The following HACD1 variants were observed in gnomAD, a reference collection of about 807,000 sequenced individuals.
HACD1 encodes the protein very-long-chain (3R)-3-hydroxyacyl-CoA dehydratase 1.
HACD1 carries 41 observed loss-of-function variants against 32.0 expected under a neutral mutation model. The observed-to-expected ratio is 1.28, with a 90% CI of 1.00 to 1.66. HACD1 has a LOEUF of 1.66. Among genes scored for constraint, HACD1 ranks in the 40% most tolerant of loss-of-function variants. The probability of loss-of-function intolerance (pLI) is 0.00; values close to 1 mark genes in which losing one functional copy is unlikely to be tolerated. For missense variants in HACD1, 396 were observed against 380.1 expected (o/e 1.04, Z -0.35); for synonymous variants, 142 against 139.0 (o/e 1.02, Z -0.15).
intron 5 of HACD1, among the ~76,000 whole-genome samples, chr10:17,595,264 C>T (rs142494630): frequency 2.0e-3 from 302 of 152,180 alleles, no homozygotes; most frequent in African/African-American, 7.0e-3. Context: ...TCAAACACTG[C>T]GTTTAAAAAG....
At position 17,617,180 on chromosome 10, in the gene HACD1, C is replaced by G; in HGVS notation, c.160G>C (p.Glu54Gln). ...DEDGTNGGAS[E>Q]AGEDREAPGE... ...GGAGCCTCCCGGTCCTCGCCGGCCTCCGAGGCGCCGCCGTTGGTGCCGTCC... is the reference window on the plus strand; with the variant it reads ...GGAGCCTCCCGGTCCTCGCCGGCCTGCGAGGCGCCGCCGTTGGTGCCGTCC... The change falls in exon 1 of 7, where the codon GAG (glutamate) becomes CAG (glutamine). Residue 54 changes from glutamate (E) to glutamine (Q), a missense_variant. Coordinates refer to ENST00000361271, the MANE Select transcript of HACD1 (RefSeq NM_014241.4). 1.3e-6 allele frequency: 2 copies of G among 1,503,840 alleles called. No homozygotes were observed. Among genetic ancestry groups the G allele is most frequent in the Admixed American group, 4.2e-5 (2 of 47,518 alleles). The allele number at this position is 1,503,840 out of a possible 1,614,324, so 93.2% of individuals were successfully genotyped here.
chr10:17,614,767 T>C (rs1021026373), intron 1 of HACD1, among the ~76,000 whole-genome samples: 40 of 149,542 alleles, frequency 2.7e-4, no homozygotes, highest in African/African-American at 9.6e-4. Flanking sequence ...TTATTTTATT[T>C]TTTGAGACGG....
chr10:17,597,222 A>G (rs1834005841), intron 5 of HACD1, among the ~76,000 whole-genome samples: 1 of 152,186 alleles, frequency 6.6e-6, no homozygotes, highest in African/African-American at 2.4e-5. Context: ...ATCTCAGATC[A>G]CTGCAACCTC....
At position 17,590,448 on chromosome 10, in the gene HACD1, T is replaced by C. The variant is rs1554815479; in HGVS notation, c.785-2A>G. 3.2e-6 allele frequency: 5 copies of C among 1,574,558 alleles called. No homozygotes were observed. Among genetic ancestry groups the C allele is most frequent in the Non-Finnish European group, 4.3e-6 (5 of 1,156,036 alleles). On this transcript the variant is annotated splice_acceptor_variant, in intron 6 of 6. Transcript: ENST00000361271. LOFTEE classifies it high-confidence loss of function. Reference sequence around the variant, plus strand: ...TATGAAAATAGAGTTGTGGAAACACTTCATTGAAAAAGAAAACAAAGAAAA... The same window carrying C: ...TATGAAAATAGAGTTGTGGAAACACCTCATTGAAAAAGAAAACAAAGAAAA...
chr10:17,602,459 T>C (rs1834084438), intron 4 of HACD1, among the ~76,000 whole-genome samples: 1 of 152,204 alleles, frequency 6.6e-6, no homozygotes, highest in Non-Finnish European at 1.5e-5. Flanking sequence ...TTAGATTCAA[T>C]AATTAGGTCT....
At chr10:17,613,816 T>C (rs1396585074) in intron 1 of HACD1, among the ~76,000 whole-genome samples, 1 of 152,106 alleles carries the variant, frequency 6.6e-6, no homozygotes, top group Non-Finnish European at 1.5e-5. Context: ...TTAGAAGTCA[T>C]GGGAATAACA....
In HACD1 at chr10:17,613,722, G is replaced by A. The variant is rs575398437; in HGVS notation, c.257+3361C>T. Among the ~76,000 whole-genome samples the A allele has an allele frequency of 3.4e-3, 515 of 152,304 alleles. 2 individuals carry two copies. The highest frequency in any genetic ancestry group is 0.012 in the African/African-American group (497 of 41,568). On this transcript the variant is annotated intron_variant, in intron 1 of 6. Coordinates refer to ENST00000361271, the MANE Select transcript of HACD1 (RefSeq NM_014241.4). ...ACAAGCCCTGATTTGCCGGGGAAGG[G>A]TCAGAGGGACAGAATGGAGAAAGCA...
intron 1 of HACD1, among the ~76,000 whole-genome samples, chr10:17,612,284 G>A (rs1239160231): frequency 1.3e-5 from 2 of 152,072 alleles, no homozygotes; most frequent in Non-Finnish European, 2.9e-5. Context: ...ACACTCAAAT[G>A]TAACTGTCAA....
At chr10:17,605,125 G>C (rs1834127199) in intron 1 of HACD1, among the ~76,000 whole-genome samples, 1 of 152,164 alleles carries the variant, frequency 6.6e-6, no homozygotes, top group South Asian at 2.1e-4. Flanking sequence ...AGCGTTCACT[G>C]GGTGCAGAGT....
chr10:17,608,937 G>T (rs533949129), intron 1 of HACD1, among the ~76,000 whole-genome samples: 2 of 152,088 alleles, frequency 1.3e-5, no homozygotes, highest in African/African-American at 4.8e-5. Context: ...ATTCATAAAA[G>T]AAAAAACAAA....
intron 4 of HACD1, among the ~76,000 whole-genome samples, chr10:17,601,999 T>C (rs1834076458): frequency 6.6e-6 from 1 of 151,390 alleles, no homozygotes; most frequent in African/African-American, 2.4e-5. Flanking sequence ...TGTCCTCGAG[T>C]AGACAGGAGG....
rs782319961 is a variant in HACD1 at position 17,599,376 on chromosome 10, G to A, written c.519C>T (p.Val173=). Residue 173 remains valine, a synonymous_variant, in exon 5 of 7, where the codon GTC becomes GTT. Transcript: ENST00000361271. ...QNEESVVLFL[V]AWTVTEITRY... ...GAGTGATCTCTGTCACAGTCCACGC[G>A]ACCAGAAAAAGCACCACACTCTCTT... 1.2e-5 allele frequency: 19 copies of A among 1,613,580 alleles called. No homozygotes were observed. Among genetic ancestry groups the A allele is most frequent in the South Asian group, 8.8e-5 (8 of 91,060 alleles).
chr10:17,602,290 G>A (rs183395329), intron 4 of HACD1, among the ~76,000 whole-genome samples: 88 of 152,044 alleles, frequency 5.8e-4, no homozygotes, highest in Non-Finnish European at 1.0e-3. Flanking sequence ...GGCTGGTCGC[G>A]AACTCCTGAC....
chr10:17,616,369 T>A (rs1007980485), intron 1 of HACD1, among the ~76,000 whole-genome samples: 2 of 152,196 alleles, frequency 1.3e-5, no homozygotes, highest in East Asian at 1.9e-4. Flanking sequence ...ATAACTTTTT[T>A]AAAAGGCAGT....
At chr10:17,600,804 T>C (rs1834059204) in intron 4 of HACD1, among the ~76,000 whole-genome samples, 1 of 152,190 alleles carries the variant, frequency 6.6e-6, no homozygotes, top group Non-Finnish European at 1.5e-5. Flanking sequence ...CTGCAACGCA[T>C]ACCGAGCTCT....
At chr10:17,605,799 C>T (rs1834138043) in intron 1 of HACD1, among the ~76,000 whole-genome samples, 1 of 151,810 alleles carries the variant, frequency 6.6e-6, no homozygotes, top group African/African-American at 2.4e-5. Flanking sequence ...ATTAAAAATA[C>T]AAAACTTAGC....
At chr10:17,607,447 A>G (rs1834163873) in intron 1 of HACD1, among the ~76,000 whole-genome samples, 1 of 152,186 alleles carries the variant, frequency 6.6e-6, no homozygotes, top group South Asian at 2.1e-4. Context: ...CAAAGTCCCC[A>G]TATTTCTTCT....
chr10:17,613,672 A>G (rs1422097598), intron 1 of HACD1, among the ~76,000 whole-genome samples: 1 of 152,234 alleles, frequency 6.6e-6, no homozygotes, highest in Non-Finnish European at 1.5e-5. Flanking sequence ...ACTTCTCAGT[A>G]GAGGCAGAAG....
chr10:17,614,676 A>T (rs1833046175), intron 1 of HACD1, among the ~76,000 whole-genome samples: 1 of 152,046 alleles, frequency 6.6e-6, no homozygotes, highest in Non-Finnish European at 1.5e-5. Context: ...ACTGCACTCC[A>T]GCCTGGAAAA....
Sources: allele counts gnomAD v4.1 joint callset (sites outside exome capture counted in the v4.1 genomes callset), GRCh38; gene constraint gnomAD v4.1.1; transcripts MANE v1.5; gene names NCBI Gene and HGNC (gene_info 2026-07-23, HGNC 2026-07-21).